Variants in TTC1 observed in about 807,000 individuals in gnomAD.
The protein encoded by TTC1 is tetratricopeptide repeat protein 1.
Under a neutral mutation model 37.6 loss-of-function variants are expected in TTC1, and 31 were observed. The observed-to-expected ratio is 0.82, with a 90% CI of 0.62 to 1.11. The LOEUF (loss-of-function observed/expected upper bound fraction) is 1.11. TTC1 is among the 50% of genes most tolerant of loss of function. TTC1 has a pLI of 0.00. For missense variants in TTC1, 351 were observed against 339.0 expected (o/e 1.04, Z -0.28); for synonymous variants, 127 against 122.4 (o/e 1.04, Z -0.25).
intron 5 of TTC1, among the ~76,000 whole-genome samples, chr5:160,045,530 T>TCC (rs1757214098): frequency 7.5e-6 from 1 of 133,940 alleles, no homozygotes; most frequent in African/African-American, 3.0e-5. Context: ...ACTCTCTCTC[T>TCC]CTCTCTCTCT....
At chr5:160,048,390 A>G (rs188338513) in intron 5 of TTC1, among the ~76,000 whole-genome samples, 4 of 152,196 alleles carry the variant, frequency 2.6e-5, no homozygotes, top group East Asian at 3.9e-4. Context: ...CCTGACCCCA[A>G]TTGACCTGCC....
At chr5:160,060,670 G>A (rs1383796602) in intron 7 of TTC1, among the ~76,000 whole-genome samples, 1 of 152,190 alleles carries the variant, frequency 6.6e-6, no homozygotes, top group Non-Finnish European at 1.5e-5. Flanking sequence ...TAGCCTCTGA[G>A]CACCCAACCT....
chr5:160,040,045 T>A (rs1463939428), intron 4 of TTC1, among the ~76,000 whole-genome samples: 1 of 152,146 alleles, frequency 6.6e-6, no homozygotes, highest in Non-Finnish European at 1.5e-5. Context: ...CTTACACAAA[T>A]CTGGATGGTA....
At chr5:160,037,880 T>A (rs1318251504) in intron 4 of TTC1, among the ~76,000 whole-genome samples, 1 of 152,036 alleles carries the variant, frequency 6.6e-6, no homozygotes, top group African/African-American at 2.4e-5. Flanking sequence ...GCAACCATGA[T>A]GCTGGCTCAA....
intron 2 of TTC1, among the ~76,000 whole-genome samples, chr5:160,021,892 A>C (rs983478326): frequency 6.6e-6 from 1 of 152,180 alleles, no homozygotes; most frequent in African/African-American, 2.4e-5. Context: ...TTGAGCAAGT[A>C]TGTACCTCTC....
chr5:160,031,893 A>T (rs566885144), intron 2 of TTC1, among the ~76,000 whole-genome samples: 1 of 152,206 alleles, frequency 6.6e-6, no homozygotes, highest in East Asian at 1.9e-4. Context: ...AGTCCCCGCT[A>T]CTCAAAAGGA....
chr5:160,026,304 A>G (rs1756804216), intron 2 of TTC1, among the ~76,000 whole-genome samples: 1 of 152,174 alleles, frequency 6.6e-6, no homozygotes, highest in Non-Finnish European at 1.5e-5. Context: ...AGTTTTGTGA[A>G]TGTATATTTT....
intron 2 of TTC1, among the ~76,000 whole-genome samples, chr5:160,017,741 A>G (rs949271427): frequency 6.6e-6 from 1 of 152,224 alleles, no homozygotes; most frequent in Non-Finnish European, 1.5e-5. Flanking sequence ...CAGGTTTTGC[A>G]CAATCTTCCT....
intron 7 of TTC1, among the ~76,000 whole-genome samples, chr5:160,053,672 C>T (rs1757469212): frequency 6.6e-6 from 1 of 152,134 alleles, no homozygotes; most frequent in South Asian, 2.1e-4. Context: ...TGGTTCCATA[C>T]AAATTTTAGG....
At chr5:160,042,961 G>T (rs375409564) in intron 4 of TTC1, among the ~76,000 whole-genome samples, 172 bp from the exon 5 acceptor site, 1 of 152,112 alleles carries the variant, frequency 6.6e-6, no homozygotes, top group Non-Finnish European at 1.5e-5. Context: ...CCCCATCCCC[G>T]TGTTAATTTT....
intron 3 of TTC1, 80 bp from the exon 4 acceptor site, chr5:160,036,611 A>T: frequency 2.1e-6 from 2 of 950,662 alleles, no homozygotes; most frequent in Non-Finnish European, 3.4e-6. Context: ...AATGGAAAAC[A>T]GTGCTTCTGA....
intron 2 of TTC1, among the ~76,000 whole-genome samples, chr5:160,034,058 G>C (rs1463821880): frequency 6.6e-6 from 1 of 151,268 alleles, no homozygotes; most frequent in Non-Finnish European, 1.5e-5. Context: ...CAAGGTTATA[G>C]TGTGTGTTGA....
rs148265832 is a variant in TTC1 at position 160,031,122 on chromosome 5, G to A, written c.331-4018G>A. On this transcript the variant is annotated intron_variant, in intron 2 of 7. Coordinates refer to ENST00000231238, the MANE Select transcript of TTC1 (RefSeq NM_003314.3). ...GTACTGGGATCATCAATTCAGTCTC[G>A]GCACAGCTGGGAAATAGTTCAACTT... Among the ~76,000 whole-genome samples the A allele has an allele frequency of 8.1e-4, 123 of 152,162 alleles. 2 individuals carry two copies. Among genetic ancestry groups the A allele is most frequent in the African/African-American group, 2.9e-3 (120 of 41,484 alleles).
intron 7 of TTC1, among the ~76,000 whole-genome samples, chr5:160,058,060 C>T (rs1028010214): frequency 6.6e-6 from 1 of 152,236 alleles, no homozygotes; most frequent in African/African-American, 2.4e-5. Flanking sequence ...AGCCACTGTG[C>T]CCGGCCAGTT....
intron 5 of TTC1, among the ~76,000 whole-genome samples, chr5:160,044,170 T>A (rs969113879): frequency 2.6e-5 from 4 of 152,200 alleles, no homozygotes; most frequent in Admixed American, 6.5e-5. Context: ...GGGACAATTA[T>A]AGAGTGCAAG....
At position 160,045,481 on chromosome 5, in the gene TTC1, C is replaced by T. The variant is rs1398475033; in HGVS notation, c.541+2312C>T. Reference sequence around the variant, plus strand: ...ACACACACACACACACACACACACACACACACACACACACACACACACACA... The same window carrying T: ...ACACACACACACACACACACACACATACACACACACACACACACACACACA... On this transcript the variant is annotated intron_variant, in intron 5 of 7. Coordinates refer to ENST00000231238, the MANE Select transcript of TTC1 (RefSeq NM_003314.3). Among the ~76,000 whole-genome samples the T allele has an allele frequency of 8.8e-5, 10 of 113,856 alleles. 1 individual carries two copies. Among genetic ancestry groups the T allele is most frequent in the South Asian group, 3.3e-4 (1 of 3,034 alleles). The allele number at this position is 113,856 out of a possible 152,430, so 74.7% of individuals were successfully genotyped here.
rs540829784 is a variant in TTC1, at chr5:160,032,164, CT to C, written c.331-2974del. ...TAAAACATGAACACACATACACACG[CT>C]TACTTCACAAGAGCCTAATCCGGCA... On this transcript the variant is annotated intron_variant, in intron 2 of 7. Coordinates refer to ENST00000231238, the MANE Select transcript of TTC1 (RefSeq NM_003314.3). Among the ~76,000 whole-genome samples the C allele has an allele frequency of 3.9e-5, 6 of 152,266 alleles. No homozygotes were observed. The South Asian group carries it at 1.2e-3, about 32-fold the overall frequency.
At chr5:160,024,648 C>T (rs1448661190) in intron 2 of TTC1, among the ~76,000 whole-genome samples, 1 of 151,868 alleles carries the variant, frequency 6.6e-6, no homozygotes, top group African/African-American at 2.4e-5. Flanking sequence ...AGGGGCTTGC[C>T]ATCACACCCA....
At chr5:160,042,144 G>T (rs900539265) in intron 4 of TTC1, among the ~76,000 whole-genome samples, 1 of 152,094 alleles carries the variant, frequency 6.6e-6, no homozygotes, top group Admixed American at 6.6e-5. Flanking sequence ...TGGCCAGGCT[G>T]GTCTCGAACT....
Sources: allele counts gnomAD v4.1 joint callset (sites outside exome capture counted in the v4.1 genomes callset), GRCh38; gene constraint gnomAD v4.1.1; transcripts MANE v1.5; gene names NCBI Gene and HGNC (gene_info 2026-07-23, HGNC 2026-07-21).